The following MAP7 variants were observed in gnomAD, a reference collection of about 807,000 sequenced individuals.
The protein encoded by MAP7 is ensconsin.
A neutral mutation model predicts 94.8 loss-of-function variants in MAP7; 52 were observed. That is an observed-to-expected ratio of 0.55 (90% confidence interval 0.44 to 0.69). The LOEUF is 0.69. Ranked by LOEUF, MAP7 falls within the 30% of genes least tolerant of loss-of-function variation. MAP7 has a pLI of 0.00. For missense variants in MAP7, 940 were observed against 964.6 expected (o/e 0.97, Z 0.34); for synonymous variants, 350 against 357.0 (o/e 0.98, Z 0.22).
At chr6:136,381,877 TAC>T (rs1156527948) in intron 6 of MAP7, among the ~76,000 whole-genome samples, 12,144 of 92,728 alleles carry the variant, frequency 0.13, 795 homozygotes, top group East Asian at 0.25. Flanking sequence ...CTTCTAACCT[TAC>T]ACACACACAC....
intron 1 of MAP7, among the ~76,000 whole-genome samples, chr6:136,443,372 T>C (rs1238983182): frequency 6.6e-6 from 1 of 151,950 alleles, no homozygotes; most frequent in East Asian, 1.9e-4. Context: ...TATGTCTACA[T>C]GGAGGGTTAT....
At chr6:136,505,416 A>C (rs1821235595) in intron 1 of MAP7, among the ~76,000 whole-genome samples, 1 of 150,652 alleles carries the variant, frequency 6.6e-6, no homozygotes, top group Admixed American at 6.6e-5. Context: ...TAATGTCCTA[A>C]TTTTAGTGTC....
chr6:136,420,274 CG>C, intron 2 of MAP7: 1 of 894,822 alleles, frequency 1.1e-6, no homozygotes. Flanking sequence ...GCAGAAGAGC[CG>C]GCCATGCTTC....
intron 3 of MAP7, among the ~76,000 whole-genome samples, chr6:136,406,291 C>G (rs1393597893): frequency 6.6e-6 from 1 of 152,166 alleles, no homozygotes; most frequent in Non-Finnish European, 1.5e-5. Flanking sequence ...TACATTTTAA[C>G]CACTGTCGAA....
intron 10 of MAP7, 72 bp from the exon 11 acceptor site, chr6:136,362,774 C>T (rs995729724): frequency 6.7e-7 from 1 of 1,503,336 alleles, no homozygotes; most frequent in Non-Finnish European, 8.8e-7. Context: ...ACTAGCATTC[C>T]CCACATCCAA....
At chr6:136,535,891 C>T (rs1004425956) in intron 1 of MAP7, among the ~76,000 whole-genome samples, 1 of 151,926 alleles carries the variant, frequency 6.6e-6, no homozygotes, top group Non-Finnish European at 1.5e-5. Flanking sequence ...TGCTATCCCT[C>T]CCCGCTCCCC....
At chr6:136,362,772 TC>T (rs1297566045) in intron 10 of MAP7, 70 bp from the exon 11 acceptor site, 2 of 1,501,912 alleles carry the variant, frequency 1.3e-6, no homozygotes, top group Non-Finnish European at 1.8e-6. Context: ...AAACTAGCAT[TC>T]CCCACATCCA....
chr6:136,540,318 T>G (rs1305383364), intron 1 of MAP7, among the ~76,000 whole-genome samples: 3 of 152,084 alleles, frequency 2.0e-5, no homozygotes, highest in Admixed American at 6.5e-5. Flanking sequence ...TAGAAAGATC[T>G]CTGGGAAAAG....
intron 3 of MAP7, among the ~76,000 whole-genome samples, chr6:136,396,196 A>G (rs992438327): frequency 2.0e-5 from 3 of 152,038 alleles, no homozygotes; most frequent in African/African-American, 7.2e-5. Flanking sequence ...TGAACATGAG[A>G]TGTCTTGCAC....
intron 15 of MAP7, among the ~76,000 whole-genome samples, chr6:136,359,595 C>T (rs901040256): frequency 6.6e-6 from 1 of 151,976 alleles, no homozygotes; most frequent in African/African-American, 2.4e-5. Context: ...TTTAAAATAT[C>T]AAGCAACCCA....
chr6:136,550,218 C>A lies in MAP7; in HGVS notation c.67+124G>T. 2.4e-6 allele frequency: 2 copies of A among 823,432 alleles called. No individual in the cohort carries two copies. The highest frequency in any genetic ancestry group is 1.8e-5 in the African/African-American group (1 of 54,602). 51.0% of individuals were successfully genotyped at this position (823,432 alleles called of 1,614,324 possible). On this transcript the variant is annotated intron_variant, in intron 1 of 17. Coordinates refer to ENST00000354570, the MANE Select transcript of MAP7 (RefSeq NM_003980.6). This position sits in a 1 kb window ranked among gnomAD's most constrained non-coding sequence, Gnocchi z 5.1. ...TGCGCGGCGCGCAGGGCCGGTTGTT[C>A]CGGGCCGCGGCCGCGCGGGCGGGGA...
rs756261293 is a variant in MAP7 at position 136,362,470 on chromosome 6, C to T, written c.1506G>A (p.Arg502=). The part of the protein sequence containing the change: ...EQREKEERER[R]EQEELERQKR... ...TTTACCTTTCAAGCTCTTCCTGCTC[C>T]CTCCTCTCCCTTTCTTCCTTTTCTC... is the stretch of plus-strand genomic sequence containing the variant. The change falls in exon 11 of 18, where the codon AGG becomes AGA. Residue 502 remains arginine (R), a synonymous_variant. Transcript: ENST00000354570. 9.3e-6 allele frequency: 15 copies of T among 1,614,086 alleles called. No individual in the cohort carries two copies. The highest frequency in any genetic ancestry group is 1.7e-4 in the Middle Eastern group (1 of 6,038).
chr6:136,413,292 G>A (rs931842692), intron 2 of MAP7, among the ~76,000 whole-genome samples: 1 of 152,160 alleles, frequency 6.6e-6, no homozygotes. Context: ...ACTTTGGGAG[G>A]TGGGTGGTTC....
chr6:136,455,534 A>G (rs1802624550), intron 1 of MAP7, among the ~76,000 whole-genome samples: 1 of 152,202 alleles, frequency 6.6e-6, no homozygotes, highest in South Asian at 2.1e-4. Context: ...CAGAAGTGCT[A>G]TGTTCCAGGA....
intron 13 of MAP7, 77 bp from the exon 14 acceptor site, chr6:136,360,108 A>T: frequency 8.9e-7 from 1 of 1,125,336 alleles, no homozygotes; most frequent in African/African-American, 1.6e-5. Flanking sequence ...CTGATGAAAT[A>T]GATTATTTAA....
rs571668087 is a variant in MAP7, at chr6:136,531,190, C to T, written c.67+19152G>A. Among the ~76,000 whole-genome samples, 3 of 144,638 alleles carry T rather than the reference C, an allele frequency of 2.1e-5. 1 individual carries two copies. Among genetic ancestry groups the T allele is most frequent in the African/African-American group, 8.6e-5 (3 of 34,740 alleles). The allele number at this position is 144,638 out of a possible 152,430, so 94.9% of individuals were successfully genotyped here. On this transcript the variant is annotated intron_variant, in intron 1 of 17. Coordinates refer to ENST00000354570, the MANE Select transcript of MAP7 (RefSeq NM_003980.6). ...AATTACTTGATAAAAGTTAAATGTGCAAAGACTGTCCTCTCTTCTCACGAT... is the reference window on the plus strand; with the variant it reads ...AATTACTTGATAAAAGTTAAATGTGTAAAGACTGTCCTCTCTTCTCACGAT...
intron 1 of MAP7, among the ~76,000 whole-genome samples, chr6:136,538,162 A>C (rs1383054363): frequency 6.6e-6 from 1 of 152,204 alleles, no homozygotes; most frequent in Admixed American, 6.5e-5. Flanking sequence ...TGCCTCACCC[A>C]CATGCCCACA....
intron 1 of MAP7, among the ~76,000 whole-genome samples, chr6:136,520,309 T>A (rs948620673): frequency 1.3e-5 from 2 of 152,068 alleles, no homozygotes; most frequent in Non-Finnish European, 2.9e-5. Context: ...GAGAGCAATA[T>A]GATTAATGTA....
chr6:136,370,068 A>T (rs1027487188), intron 8 of MAP7, among the ~76,000 whole-genome samples: 2 of 152,236 alleles, frequency 1.3e-5, no homozygotes, highest in African/African-American at 4.8e-5. Flanking sequence ...AAATAACTCT[A>T]CAATTCAACA....
Sources: gnomAD v4.1 joint callset for allele counts (sites outside exome capture counted in the v4.1 genomes callset) on GRCh38, gnomAD v4.1.1 for gene constraint, Gnocchi (gnomAD v3.1) non-coding constraint, MANE v1.5 for transcripts, NCBI Gene and HGNC (gene_info 2026-07-23, HGNC 2026-07-21) for gene names.